The following VPS13A variants were observed in gnomAD, a reference collection of about 807,000 sequenced individuals.
VPS13A encodes intermembrane lipid transfer protein VPS13A.
Under a neutral mutation model 390.9 loss-of-function variants are expected in VPS13A, and 264 were observed. The observed-to-expected ratio is 0.68, with a 90% confidence interval of 0.61 to 0.75. VPS13A has a LOEUF of 0.75. Among genes scored for constraint, VPS13A ranks in the 30% least tolerant of loss-of-function variants. The probability of loss-of-function intolerance (pLI) is 0.00; values close to 1 mark genes in which losing one functional copy is unlikely to be tolerated. For synonymous variants in VPS13A, 1,231 were observed against 1,227.1 expected, an observed-to-expected ratio of 1.00 and a Z score of -0.07; for missense variants, 3,409 against 3,733.9, an observed-to-expected ratio of 0.91 and a Z score of 2.27.
chr9:77,370,854 A>G, intron 65 of VPS13A, 36 bp from the exon 66 acceptor site: 1 of 1,611,996 alleles, frequency 6.2e-7, no homozygotes, highest in Non-Finnish European at 8.5e-7. Context: ...CATCATAAAA[A>G]AGTATTGTAA....
chr9:77,226,200 G>A (rs553690072), intron 14 of VPS13A, among the ~76,000 whole-genome samples: 26 of 151,816 alleles, frequency 1.7e-4, no homozygotes, highest in Admixed American at 5.9e-4. Flanking sequence ...AAATATTTGG[G>A]CTTTTCAAAT....
At chr9:77,298,065 G>A (rs547241197) in intron 33 of VPS13A, among the ~76,000 whole-genome samples, 47 of 152,256 alleles carry the variant, frequency 3.1e-4, no homozygotes, top group Non-Finnish European at 5.3e-4. Context: ...GGAAATCAGC[G>A]TTTGATGATG....
At chr9:77,286,943 G>A (rs1299459813) in intron 31 of VPS13A, among the ~76,000 whole-genome samples, 6 of 151,898 alleles carry the variant, frequency 4.0e-5, no homozygotes, top group African/African-American at 1.5e-4. Flanking sequence ...CCGTCTTTCT[G>A]TACCTGAAGT....
intron 33 of VPS13A, among the ~76,000 whole-genome samples, chr9:77,296,444 C>G (rs1347887332): frequency 2.6e-5 from 4 of 152,088 alleles, no homozygotes; most frequent in Non-Finnish European, 4.4e-5. Context: ...TCTATTTATA[C>G]TTCTCAACTG....
chr9:77,263,402 C>T (rs143692969), intron 23 of VPS13A, among the ~76,000 whole-genome samples: 11,859 of 152,022 alleles, frequency 0.078, 579 homozygotes, highest in East Asian at 0.12. Context: ...CCACTGAGCC[C>T]GGCCCCTTTT....
intron 1 of VPS13A, among the ~76,000 whole-genome samples, chr9:77,199,578 A>G (rs971068712): frequency 1.9e-4 from 29 of 152,216 alleles, no homozygotes; most frequent in African/African-American, 6.3e-4. Context: ...TTTGCATTAA[A>G]TAATTTTTTC....
chr9:77,192,253 C>A (rs1460311217), intron 1 of VPS13A, among the ~76,000 whole-genome samples: 1 of 152,124 alleles, frequency 6.6e-6, no homozygotes, highest in Admixed American at 6.5e-5. Flanking sequence ...TGAAATGGGT[C>A]TCATAAAGAC....
At chr9:77,244,762 G>A (rs1160796161) in intron 19 of VPS13A, among the ~76,000 whole-genome samples, 1 of 151,954 alleles carries the variant, frequency 6.6e-6, no homozygotes. Flanking sequence ...ATTTGGAGCT[G>A]AGTGAGGAAA....
intron 45 of VPS13A, among the ~76,000 whole-genome samples, chr9:77,327,394 G>A (rs1042192585): frequency 6.6e-6 from 1 of 152,072 alleles, no homozygotes; most frequent in Non-Finnish European, 1.5e-5. Flanking sequence ...CAGGTACTAT[G>A]TGTAGAAATA....
intron 59 of VPS13A, among the ~76,000 whole-genome samples, chr9:77,363,423 A>G (rs1183879886): frequency 1.8e-5 from 2 of 112,792 alleles, no homozygotes; most frequent in Non-Finnish European, 3.4e-5. Context: ...TTTTTTTGAG[A>G]CCTAGGCTCG....
At chr9:77,183,159 T>C (rs1824124099) in intron 1 of VPS13A, among the ~76,000 whole-genome samples, 1 of 152,362 alleles carries the variant, frequency 6.6e-6, no homozygotes, top group Non-Finnish European at 1.5e-5. Flanking sequence ...ACAGTGCCTC[T>C]CCATATACCC....
rs61562443 is a variant in VPS13A at position 77,377,203 on chromosome 9, GTTTTTTTTTTT to G, written c.9078-4756_9078-4746del. 2.9e-4 allele frequency among the ~76,000 whole-genome samples: 20 copies of G among 69,066 alleles called. No individual in the cohort carries two copies. In the South Asian group the frequency reaches 9.2e-3, roughly 32 times the overall value. 45.3% of individuals were successfully genotyped at this position (69,066 alleles called of 152,430 possible). On this transcript the variant is annotated intron_variant, in intron 67 of 71. Transcript: ENST00000360280. The stretch of plus-strand genomic sequence containing the variant: ...CTTATTCCTAAGTATTTTTGATGCT[GTTTTTTTTTTT>G]TTTTTTTTTTTTTTTTGAGACGGAG...
chr9:77,357,346 A>C (rs1391331433), intron 55 of VPS13A, among the ~76,000 whole-genome samples: 1 of 150,676 alleles, frequency 6.6e-6, no homozygotes, highest in Non-Finnish European at 1.5e-5. Flanking sequence ...AAAAAAAGAA[A>C]AGAAAACTTT....
At chr9:77,203,923 C>T (rs149428404) in intron 3 of VPS13A, among the ~76,000 whole-genome samples, 210 of 152,250 alleles carry the variant, frequency 1.4e-3, no homozygotes, top group Middle Eastern at 6.8e-3. Context: ...GGCAGGGTAG[C>T]TGATACCTGT....
At chr9:77,316,513 A>G (rs1829397535) in intron 39 of VPS13A, 107 bp downstream of exon 39, 7 of 922,102 alleles carry the variant, frequency 7.6e-6, no homozygotes, top group African/African-American at 1.6e-5. Context: ...TTGCTCTGTA[A>G]AATGTCTTTC....
chr9:77,221,073 A>G (rs1410783925), intron 12 of VPS13A, 112 bp from the exon 13 acceptor site: 5 of 1,038,302 alleles, frequency 4.8e-6, no homozygotes, highest in Non-Finnish European at 5.9e-6. Flanking sequence ...ATAATATATC[A>G]TTTTCCTAAT....
chr9:77,203,283 G>GGTTT (rs976843371), intron 3 of VPS13A, among the ~76,000 whole-genome samples: 21 of 152,058 alleles, frequency 1.4e-4, no homozygotes, highest in African/African-American at 4.1e-4. Context: ...AGGAAGAAAA[G>GGTTT]GTTTGTTTGT....
chr9:77,412,343 C>T (rs1398855607), intron 71 of VPS13A, among the ~76,000 whole-genome samples: 1 of 152,166 alleles, frequency 6.6e-6, no homozygotes, highest in Non-Finnish European at 1.5e-5. Flanking sequence ...CAAAAATCCT[C>T]AATAAATTAC....
rs1188087438 is a variant in VPS13A at position 77,323,114 on chromosome 9, G to T, written c.5878G>T (p.Gly1960Ter). 6.2e-7 allele frequency: 1 copy of T among 1,612,990 alleles called. No individual in the cohort carries two copies. Among genetic ancestry groups the T allele is most frequent in the Non-Finnish European group, 8.5e-7 (1 of 1,179,396 alleles). The change falls in exon 45 of 72, where the codon GGA becomes TGA. Residue 1960 changes from glycine (G) to a stop codon, truncating the protein, a stop_gained. Coordinates refer to ENST00000360280, the MANE Select transcript of VPS13A (RefSeq NM_033305.3). LOFTEE classifies it high-confidence loss of function. ...TGATAAGATTCCTTTAACAAAAGTG[G>T]GACGACGTCTGTACACTGTAAGACA... ...TADKIPLTKV[G>*]RRLYTVRHRE...
Sources: gnomAD v4.1 joint callset for allele counts (sites outside exome capture counted in the v4.1 genomes callset) on GRCh38, gnomAD v4.1.1 for gene constraint, MANE v1.5 for transcripts, NCBI Gene and HGNC (gene_info 2026-07-23, HGNC 2026-07-21) for gene names.